FCHSD2: variants seen among roughly 807,000 people sequenced by gnomAD.
FCHSD2 encodes F-BAR and double SH3 domains protein 2.
A neutral mutation model predicts 108.1 loss-of-function variants in FCHSD2; 38 were observed. The ratio of observed to expected loss-of-function variants is 0.35; its 90% CI spans 0.27 to 0.46. The LOEUF (loss-of-function observed/expected upper bound fraction) is 0.46. Among genes scored for constraint, FCHSD2 ranks in the 20% least tolerant of loss-of-function variants. The pLI is 1.00. For missense variants in FCHSD2, 751 were observed against 897.8 expected (o/e 0.84, Z 2.09); for synonymous variants, 279 against 314.7 (o/e 0.89, Z 1.20).
At chr11:72,921,750 C>T (rs1272882866) in intron 9 of FCHSD2, 78 bp downstream of exon 9, 7 of 1,187,750 alleles carry the variant, frequency 5.9e-6, no homozygotes, top group African/African-American at 1.5e-5. Context: ...ATCACTAGTA[C>T]CTTCATTTTC....
intron 3 of FCHSD2, among the ~76,000 whole-genome samples, chr11:73,018,203 C>T (rs1290534955): frequency 2.0e-5 from 3 of 152,160 alleles, no homozygotes; most frequent in Non-Finnish European, 2.9e-5. Context: ...ACTCTGAATG[C>T]ATCTTTGTTG....
At chr11:72,877,287 G>A (rs1854990658) in intron 12 of FCHSD2, among the ~76,000 whole-genome samples, 1 of 152,012 alleles carries the variant, frequency 6.6e-6, no homozygotes, top group Non-Finnish European at 1.5e-5. Context: ...TTCCTGCCAA[G>A]CTCCTTAGAG....
intron 2 of FCHSD2, among the ~76,000 whole-genome samples, chr11:73,110,773 G>A (rs1860463329): frequency 6.6e-6 from 1 of 152,052 alleles, no homozygotes; most frequent in Non-Finnish European, 1.5e-5. Flanking sequence ...TCTAGCTGAA[G>A]ATTTTTTTTT....
chr11:72,854,330 T>C (rs938825278), intron 13 of FCHSD2, among the ~76,000 whole-genome samples: 3 of 152,218 alleles, frequency 2.0e-5, no homozygotes, highest in African/African-American at 7.2e-5. Context: ...CAAATGTCCA[T>C]TGAGAGATGA....
At chr11:72,969,898 CATT>C (rs1259107153) in intron 8 of FCHSD2, among the ~76,000 whole-genome samples, 2 of 152,184 alleles carry the variant, frequency 1.3e-5, no homozygotes, top group East Asian at 3.9e-4. Context: ...ACCTGACCCT[CATT>C]ATTACAGGAA....
At chr11:72,981,639 T>C (rs1470649728) in intron 8 of FCHSD2, among the ~76,000 whole-genome samples, 1 of 152,198 alleles carries the variant, frequency 6.6e-6, no homozygotes, top group Non-Finnish European at 1.5e-5. Context: ...TCTTTGAAAC[T>C]GTTGGTCCTT....
At chr11:72,996,845 A>AG (rs935800837) in intron 5 of FCHSD2, among the ~76,000 whole-genome samples, 4 of 152,330 alleles carry the variant, frequency 2.6e-5, no homozygotes, top group Admixed American at 2.0e-4. Context: ...TAAAGGACTA[A>AG]GACACCCAGG....
chr11:73,024,547 T>C (rs1467301550), intron 3 of FCHSD2, among the ~76,000 whole-genome samples: 1 of 151,682 alleles, frequency 6.6e-6, no homozygotes, highest in African/African-American at 2.4e-5. Flanking sequence ...GAAGGGGAAA[T>C]GAGAATGAAT....
intron 13 of FCHSD2, among the ~76,000 whole-genome samples, chr11:72,867,605 G>A (rs1391556142): frequency 6.6e-6 from 1 of 152,036 alleles, no homozygotes; most frequent in African/African-American, 2.4e-5. Flanking sequence ...TGAATGGGAT[G>A]AGTTTGGTAG....
intron 10 of FCHSD2, among the ~76,000 whole-genome samples, chr11:72,890,293 T>C (rs112325687): frequency 2.0e-5 from 3 of 152,194 alleles, no homozygotes; most frequent in African/African-American, 7.2e-5. Context: ...CAACCTACTA[T>C]GGTGATAAAA....
In FCHSD2 at chr11:73,021,504, T is replaced by C. The variant is rs143081503; in HGVS notation, c.166-5619A>G. The stretch of plus-strand genomic sequence containing the variant: ...TTCTCACTTATAAATGGGAGCTAAA[T>C]GATGAGAACACATGAACACATAGAG... On this transcript the variant is annotated intron_variant, in intron 3 of 19. Transcript: ENST00000409418. 4.4e-3 allele frequency among the ~76,000 whole-genome samples: 668 copies of C among 152,158 alleles called. 2 individuals carry two copies. The highest frequency in any genetic ancestry group is 0.015 in the African/African-American group (634 of 41,490).
At chr11:73,068,813 T>TAAAAA (rs1237723120) in intron 3 of FCHSD2, among the ~76,000 whole-genome samples, 42 of 83,018 alleles carry the variant, frequency 5.1e-4, no homozygotes, top group African/African-American at 8.5e-4. Context: ...CTACAAAAAG[T>TAAAAA]AAAAAAAAAA....
chr11:72,963,863 G>C (rs1469297925), intron 8 of FCHSD2, among the ~76,000 whole-genome samples: 1 of 152,040 alleles, frequency 6.6e-6, no homozygotes, highest in Non-Finnish European at 1.5e-5. Context: ...GCCATGGACT[G>C]CTGAGGTCCA....
rs76849542 is a variant in FCHSD2, at chr11:72,963,929, T to C, written c.705+20159A>G. Among the ~76,000 whole-genome samples the C allele has an allele frequency of 8.5e-5, 13 of 152,276 alleles. No individual in the cohort carries two copies. The East Asian group carries it at 2.5e-3, about 29-fold the overall frequency. On this transcript the variant is annotated intron_variant, in intron 8 of 19. Coordinates refer to ENST00000409418, the MANE Select transcript of FCHSD2 (RefSeq NM_014824.3). ...TGACAACTCTGTGTCATGAATAGATTTCACAGTTGAATAACAATGGCTAAT... is the reference window on the plus strand; with the variant it reads ...TGACAACTCTGTGTCATGAATAGATCTCACAGTTGAATAACAATGGCTAAT...
chr11:72,962,736 C>T (rs1436743958), intron 8 of FCHSD2, among the ~76,000 whole-genome samples: 3 of 151,220 alleles, frequency 2.0e-5, no homozygotes, highest in Non-Finnish European at 4.4e-5. Flanking sequence ...CAATAATCAT[C>T]AGGAGCCAGC....
chr11:73,080,832 T>A (rs188839453), intron 3 of FCHSD2, among the ~76,000 whole-genome samples: 3 of 152,102 alleles, frequency 2.0e-5, no homozygotes, highest in African/African-American at 7.2e-5. Flanking sequence ...TAATCCCAGC[T>A]ACTCAGGAAG....
chr11:72,883,364 A>G (rs1855128601), intron 12 of FCHSD2, among the ~76,000 whole-genome samples: 1 of 152,242 alleles, frequency 6.6e-6, no homozygotes, highest in Non-Finnish European at 1.5e-5. Context: ...GAAAATGAAA[A>G]GGTAAGCCAA....
intron 2 of FCHSD2, among the ~76,000 whole-genome samples, chr11:73,089,228 A>T (rs764535089): frequency 1.3e-5 from 2 of 152,224 alleles, no homozygotes; most frequent in Non-Finnish European, 2.9e-5. Flanking sequence ...TTCTGAATCA[A>T]TGTCTCATAA....
At chr11:72,883,925 G>A (rs1049666813) in intron 12 of FCHSD2, among the ~76,000 whole-genome samples, 1 of 144,092 alleles carries the variant, frequency 6.9e-6, no homozygotes, top group African/African-American at 2.6e-5. Flanking sequence ...GAGTGAGACC[G>A]TGTCTCAAAA....
Sources: gnomAD v4.1 joint callset for allele counts (sites outside exome capture counted in the v4.1 genomes callset) on GRCh38, gnomAD v4.1.1 for gene constraint, MANE v1.5 for transcripts, NCBI Gene and HGNC (gene_info 2026-07-23, HGNC 2026-07-21) for gene names.